FAM111A: variants seen among roughly 807,000 people sequenced by gnomAD.
FAM111A encodes serine protease FAM111A.
A neutral mutation model predicts 3.3 loss-of-function variants in FAM111A; 8 were observed. That is an observed-to-expected ratio of 2.39 (90% CI 1.40 to 4.32). FAM111A has a LOEUF of 4.32. Among genes scored for constraint, FAM111A ranks in the 30% most tolerant of loss-of-function variants. The probability of loss-of-function intolerance (pLI) is 0.00; values close to 1 mark genes in which losing one functional copy is unlikely to be tolerated. For missense variants in FAM111A, 683 were observed against 727.6 expected, an observed-to-expected ratio of 0.94 and a Z score of 0.71; for synonymous variants, 227 against 243.1, an observed-to-expected ratio of 0.93 and a Z score of 0.62.
At position 59,151,867 on chromosome 11, in the gene FAM111A, C is replaced by G; in HGVS notation, c.199C>G (p.Pro67Ala). 1 of 1,614,128 alleles carries G rather than the reference C, an allele frequency of 6.2e-7. No individual in the cohort carries two copies. Among genetic ancestry groups the G allele is most frequent in the East Asian group, 2.2e-5 (1 of 44,882 alleles). ...AQRFHSPKKNPEDQTMPQNRT... is the reference protein window; with the variant it reads ...AQRFHSPKKNAEDQTMPQNRT... ...AAGATTCCATTCACCTAAGAAAAAT[C>G]CAGAAGACCAGACCATGCCCCAAAA... The change falls in exon 6 of 6, where the codon CCA (proline) becomes GCA (alanine). Residue 67 changes from proline (P) to alanine (A), a missense_variant. Physicochemically the swap from Pro to Ala is conservative, Grantham distance 27 (BLOSUM62 -1). Transcript: ENST00000675163.
intron 5 of FAM111A, 100 bp from the exon 6 acceptor site, chr11:59,151,650 T>C: frequency 2.3e-6 from 2 of 868,012 alleles, no homozygotes; most frequent in Non-Finnish European, 3.6e-6. Context: ...AGATTGGTTC[T>C]CAGTTTCTCA....
At chr11:59,147,055 G>A (rs780593931) in intron 4 of FAM111A, among the ~76,000 whole-genome samples, 2 of 152,228 alleles carry the variant, frequency 1.3e-5, no homozygotes, top group Admixed American at 6.5e-5. Flanking sequence ...AGCCAAACCC[G>A]GGTTTGGCAA....
chr11:59,151,911 C>T lies in FAM111A; in HGVS notation c.243C>T (p.Thr81=), dbSNP rs376290890. The T allele has an allele frequency of 1.9e-6, 3 of 1,613,966 alleles. No individual in the cohort carries two copies. The highest frequency in any genetic ancestry group is 2.5e-6 in the Non-Finnish European group (3 of 1,180,022). Residue 81 remains threonine, a synonymous_variant, in exon 6 of 6, where the codon ACC becomes ACT. Coordinates refer to ENST00000675163, the MANE Select transcript of FAM111A (RefSeq NM_001312909.2). ...CCCAAAATAGGACAATATATGTTAC[C>T]TTGAAGGTAAACCACAGGAGAAACC... ...TMPQNRTIYV[T]LKVNHRRNQD... is the part of the protein sequence containing the mutation.
In FAM111A at chr11:59,153,702, A is replaced by ATTTTT; in HGVS notation, c.*198_*199insTTTTT. ...TATGAGATGGACTATAACTTGCCCAAATTTTTTTTTTTTTTTTGAGACTGA... is the reference window on the plus strand; with the variant it reads ...TATGAGATGGACTATAACTTGCCCAATTTTTATTTTTTTTTTTTTTTTGAGACTGA... On this transcript the variant is annotated 3_prime_UTR_variant, in exon 6 of 6. Transcript: ENST00000675163. 2.2e-6 allele frequency: 1 copy of ATTTTT among 456,170 alleles called. No homozygotes were observed. The highest frequency in any genetic ancestry group is 2.3e-5 in the African/African-American group (1 of 44,186). The allele number at this position is 456,170 out of a possible 1,614,324, so 28.3% of individuals were successfully genotyped here.
intron 5 of FAM111A, chr11:59,149,160 G>A (rs1461813677): frequency 1.9e-6 from 1 of 522,324 alleles, no homozygotes; most frequent in Admixed American, 3.5e-5. Flanking sequence ...CAAGGTAAAT[G>A]CTCTGTAAAA....
chr11:59,153,029 T>C lies in FAM111A; in HGVS notation c.1361T>C (p.Met454Thr), dbSNP rs757426077. 69 of 1,614,046 alleles carry C rather than the reference T, an allele frequency of 4.3e-5. No homozygotes were observed. Among genetic ancestry groups the C allele is most frequent in the Non-Finnish European group, 5.3e-5 (63 of 1,180,030 alleles). The change falls in exon 6 of 6, where the codon ATG becomes ACG. Residue 454 changes from methionine to threonine, a missense_variant. This residue lies in a region of FAM111A where 557 missense variants were observed against 600.2 expected (regional missense o/e 0.93). Coordinates refer to ENST00000675163, the MANE Select transcript of FAM111A (RefSeq NM_001312909.2). ...KLKENGQQVP[M>T]ELYNGITPVP... is the part of the protein sequence containing the mutation. ...AAGGAAAATGGACAACAAGTACCTATGGAACTATATAATGGAATTACTCCT... is the reference window on the plus strand; with the variant it reads ...AAGGAAAATGGACAACAAGTACCTACGGAACTATATAATGGAATTACTCCT...
At chr11:59,146,215 G>C (rs1018499673) in intron 4 of FAM111A, among the ~76,000 whole-genome samples, 1 of 151,990 alleles carries the variant, frequency 6.6e-6, no homozygotes, top group Non-Finnish European at 1.5e-5. Flanking sequence ...CTCCCAAGTA[G>C]CTGGGATTAC....
intron 4 of FAM111A, chr11:59,148,510 G>T: frequency 5.1e-6 from 1 of 194,862 alleles, no homozygotes; most frequent in Non-Finnish European, 1.0e-5. Flanking sequence ...CCTTCTCTAA[G>T]CTATACTTTC....
At chr11:59,150,048 T>C (rs1355904129) in intron 5 of FAM111A, among the ~76,000 whole-genome samples, 2 of 152,214 alleles carry the variant, frequency 1.3e-5, no homozygotes, top group Admixed American at 6.5e-5. Context: ...ATCTAAAAAG[T>C]CTAAGGCAAA....
chr11:59,151,295 C>A (rs1861631152), intron 5 of FAM111A, among the ~76,000 whole-genome samples: 2 of 152,124 alleles, frequency 1.3e-5, no homozygotes, highest in Admixed American at 6.5e-5. Flanking sequence ...AGATTACAGG[C>A]ATGTGCCACC....
At chr11:59,145,434 G>C (rs1860732978) in intron 3 of FAM111A, 1 of 152,288 alleles carries the variant, frequency 6.6e-6, no homozygotes, top group Non-Finnish European at 1.5e-5. Flanking sequence ...GTAGAACCTT[G>C]ATGTCAAGTA....
intron 5 of FAM111A, among the ~76,000 whole-genome samples, chr11:59,151,223 T>C (rs759272925): frequency 2.6e-5 from 4 of 152,164 alleles, no homozygotes; most frequent in Admixed American, 1.3e-4. Flanking sequence ...CTATCTCCGC[T>C]CACTGCAACC....
chr11:59,153,294 C>A lies in FAM111A; in HGVS notation c.1626C>A (p.Gly542=), dbSNP rs750790223. The change falls in exon 6 of 6, where the codon GGC becomes GGA. Residue 542 remains glycine (G), a synonymous_variant. Transcript: ENST00000675163. Reference sequence around the variant, plus strand: ...CTGAATTTTTCTTTGGGGCTTCCGGCTCCCCTGTGTTTGATTCAAAAGGTT... The same window carrying A: ...CTGAATTTTTCTTTGGGGCTTCCGGATCCCCTGTGTTTGATTCAAAAGGTT... ...YDTEFFFGAS[G]SPVFDSKGSL... 1 of 1,614,144 alleles carries A rather than the reference C, an allele frequency of 6.2e-7. No homozygotes were observed. The highest frequency in any genetic ancestry group is 8.5e-7 in the Non-Finnish European group (1 of 1,180,014).
rs1035926722 is a variant in FAM111A, at chr11:59,152,987, A to G, written c.1319A>G (p.Tyr440Cys). 1.2e-5 allele frequency: 19 copies of G among 1,614,044 alleles called. No homozygotes were observed. Among genetic ancestry groups the G allele is most frequent in the Non-Finnish European group, 1.6e-5 (19 of 1,180,030 alleles). ...WFEIHNEELD[Y>C]AVLKLKENGQ... The stretch of plus-strand genomic sequence containing the variant: ...GAGATACATAATGAAGAGCTTGACT[A>G]TGCTGTCCTGAAACTGAAGGAAAAT... The change falls in exon 6 of 6, where the codon TAT (tyrosine) becomes TGT (cysteine). Residue 440 changes from tyrosine to cysteine, a missense_variant. Tyr to Cys is a radical substitution (Grantham distance 194, BLOSUM62 -2). This residue lies in a region of FAM111A where 557 missense variants were observed against 600.2 expected (regional missense o/e 0.93). Coordinates refer to ENST00000675163, the MANE Select transcript of FAM111A (RefSeq NM_001312909.2).
At chr11:59,144,424 T>C (rs2135423958) in intron 3 of FAM111A, 1 of 152,368 alleles carries the variant, frequency 6.6e-6, no homozygotes, top group African/African-American at 2.4e-5. Context: ...GGAACCCCTT[T>C]GGTTATGGGA....
At position 59,152,916 on chromosome 11, in the gene FAM111A, G is replaced by T. The variant is rs778060476; in HGVS notation, c.1248G>T (p.Glu416Asp). Residue 416 changes from glutamate to aspartate, a missense_variant, in exon 6 of 6, where the codon GAG (glutamate) becomes GAT (aspartate). Physicochemically the swap from Glu to Asp is conservative, Grantham distance 45 (BLOSUM62 2). Coordinates refer to ENST00000675163, the MANE Select transcript of FAM111A (RefSeq NM_001312909.2). ...TAAGGGTGACATTTGGTTATGAAGA[G>T]CTAAAAGACAAGGAAACAAACTACT... ...QCVRVTFGYE[E>D]LKDKETNYFF... The T allele has an allele frequency of 6.2e-7, 1 of 1,614,144 alleles. No homozygotes were observed.
chr11:59,148,792 G>T lies in FAM111A; in HGVS notation c.-76-5G>T. The T allele has an allele frequency of 1.0e-6, 1 of 952,396 alleles. No homozygotes were observed. The highest frequency in any genetic ancestry group is 1.7e-6 in the Non-Finnish European group (1 of 594,544). The allele number at this position is 952,396 out of a possible 1,614,324, so 59.0% of individuals were successfully genotyped here. On this transcript the variant is annotated splice_region_variant and splice_polypyrimidine_tract_variant and intron_variant, in intron 4 of 5. Transcript: ENST00000675163. ...TAATCTTTTCCTCTGTACAATTAAT[G>T]ACAGCTTTGAAGATACTGCTATAAT...
At chr11:59,151,631 G>A (rs909343627) in intron 5 of FAM111A, 119 bp from the exon 6 acceptor site, 12 of 722,680 alleles carry the variant, frequency 1.7e-5, no homozygotes, top group Non-Finnish European at 2.6e-5. Flanking sequence ...ATTATTCACT[G>A]GCCCTTTTAG....
chr11:59,150,262 A>T (rs1861480522), intron 5 of FAM111A, among the ~76,000 whole-genome samples: 1 of 152,176 alleles, frequency 6.6e-6, no homozygotes, highest in African/African-American at 2.4e-5. Flanking sequence ...TTTATATGTG[A>T]GCCCAGGGTA....
Sources: gnomAD v4.1 joint callset for allele counts (sites outside exome capture counted in the v4.1 genomes callset) on GRCh38, gnomAD v4.1.1 for gene constraint, gnomAD v4.1.1 regional missense constraint, MANE v1.5 for transcripts, NCBI Gene and HGNC (gene_info 2026-07-23, HGNC 2026-07-21) for gene names.